PPM1H: variants seen among roughly 807,000 people sequenced by gnomAD.
PPM1H encodes protein phosphatase 1H.
Under a neutral mutation model 54.9 loss-of-function variants are expected in PPM1H, and 27 were observed. That is an observed-to-expected ratio of 0.49 (90% confidence interval 0.36 to 0.68). The LOEUF (loss-of-function observed/expected upper bound fraction) is 0.68, where lower values mean the gene tolerates loss of function less well. Among genes scored for constraint, PPM1H ranks in the 30% least tolerant of loss-of-function variants. The probability of loss-of-function intolerance (pLI) is 0.00; values close to 1 mark genes in which losing one functional copy is unlikely to be tolerated. For synonymous variants in PPM1H, 305 were observed against 270.8 expected (o/e 1.13, Z -1.24); for missense variants, 596 against 667.8 (o/e 0.89, Z 1.19).
chr12:62,744,787 C>A (rs1244874602), intron 4 of PPM1H, among the ~76,000 whole-genome samples: 2 of 152,188 alleles, frequency 1.3e-5, no homozygotes, highest in Admixed American at 6.5e-5. Flanking sequence ...CAGCCCAGGA[C>A]TCATACCCCA....
Position 62,737,578 on chromosome 12 carries a change from AT to A in PPM1H, c.877del (p.Ile293SerfsTer63). ...VANAGDSRAI[I>X]IRNGEIIPMS... ...GGGGATAATTTCTCCATTTCTGATG[AT>A]TATGGCCCTGAAATGGTGAAAATGC... On this transcript the variant is annotated frameshift_variant, in exon 5 of 10. Transcript: ENST00000228705. LOFTEE classifies it high-confidence loss of function. 1 of 1,573,838 alleles carries A rather than the reference AT, an allele frequency of 6.4e-7. No individual in the cohort carries two copies. The highest frequency in any genetic ancestry group is 8.6e-7 in the Non-Finnish European group (1 of 1,157,330).
rs776942199 is a variant in PPM1H at position 62,801,979 on chromosome 12, T to C, written c.593A>G (p.Asn198Ser). The C allele has an allele frequency of 6.2e-7, 1 of 1,613,012 alleles. No individual in the cohort carries two copies. Among genetic ancestry groups the C allele is most frequent in the South Asian group, 1.1e-5 (1 of 90,996 alleles). Residue 198 changes from asparagine to serine, a missense_variant, in exon 3 of 10, where the codon AAC becomes AGC. This residue lies in a region of PPM1H where 382 missense variants were observed against 387.1 expected (regional missense o/e 0.99). Coordinates refer to ENST00000228705, the MANE Select transcript of PPM1H (RefSeq NM_020700.2). ...PPTCLGEEPE[N>S]TPANSRTLTR... ...CAGAGTCCGGCTGTTGGCGGGCGTG[T>C]TCTCAGGCTCCTCCCCCAGGCAGGT...
At chr12:62,782,261 C>T (rs566732080) in intron 4 of PPM1H, among the ~76,000 whole-genome samples, 133 of 152,304 alleles carry the variant, frequency 8.7e-4, no homozygotes, top group African/African-American at 3.1e-3. Context: ...TAGTTCTTTG[C>T]ATTCCCTTGG....
chr12:62,881,469 G>T (rs1004369958), intron 1 of PPM1H, among the ~76,000 whole-genome samples: 2 of 152,082 alleles, frequency 1.3e-5, no homozygotes, highest in South Asian at 4.2e-4. Flanking sequence ...AAAAGAAAGA[G>T]AAAGAATGTT....
At chr12:62,738,538 A>G (rs887251071) in intron 4 of PPM1H, among the ~76,000 whole-genome samples, 1 of 152,182 alleles carries the variant, frequency 6.6e-6, no homozygotes, top group Non-Finnish European at 1.5e-5. Context: ...TCCTGGGTCT[A>G]TTCCCAGCGG....
chr12:62,669,474 G>C (rs536464496), intron 8 of PPM1H, among the ~76,000 whole-genome samples: 1 of 152,126 alleles, frequency 6.6e-6, no homozygotes, highest in Non-Finnish European at 1.5e-5. Flanking sequence ...TTCACAGACC[G>C]GGCCCCGAGT....
At chr12:62,663,308 G>A (rs994227632) in intron 9 of PPM1H, among the ~76,000 whole-genome samples, 2 of 151,642 alleles carry the variant, frequency 1.3e-5, no homozygotes, top group Non-Finnish European at 2.9e-5. Flanking sequence ...ATTTCAGGTG[G>A]GGCCTGAAAA....
At chr12:62,931,254 C>G (rs1409847762) in intron 1 of PPM1H, among the ~76,000 whole-genome samples, 1 of 152,128 alleles carries the variant, frequency 6.6e-6, no homozygotes, top group Non-Finnish European at 1.5e-5. Flanking sequence ...GGCATTAGCT[C>G]CTTAGTACAG....
At chr12:62,803,020 T>G (rs1213363241) in intron 2 of PPM1H, among the ~76,000 whole-genome samples, 5 of 152,230 alleles carry the variant, frequency 3.3e-5, no homozygotes, top group African/African-American at 1.2e-4. Context: ...AGCCCTTAAA[T>G]GCTGGGATAA....
intron 4 of PPM1H, among the ~76,000 whole-genome samples, chr12:62,744,710 G>C (rs1269874643): frequency 6.6e-6 from 1 of 152,152 alleles, no homozygotes; most frequent in Non-Finnish European, 1.5e-5. Context: ...AGGCCTCACG[G>C]GGGAAGCTGC....
chr12:62,650,057 T>C (rs144468132), intron 9 of PPM1H, among the ~76,000 whole-genome samples: 154 of 152,334 alleles, frequency 1.0e-3, no homozygotes, highest in African/African-American at 3.6e-3. Context: ...CTGTGAGTTA[T>C]GGAATTCAGA....
In PPM1H at chr12:62,851,130, A is replaced by C. The variant is rs1422572663; in HGVS notation, c.246-18851T>G. ...CTAAACACCCAGACTTTGGTTTCCA[A>C]ATACTACTCCCCACTGAAAGAAACC... On this transcript the variant is annotated intron_variant, in intron 1 of 9. Coordinates refer to ENST00000228705, the MANE Select transcript of PPM1H (RefSeq NM_020700.2). Among the ~76,000 whole-genome samples the C allele has an allele frequency of 9.8e-5, 15 of 152,296 alleles. No homozygotes were observed. The East Asian group carries it at 1.7e-3, about 18-fold the overall frequency.
chr12:62,672,923 CAG>C (rs2075964600), intron 8 of PPM1H, among the ~76,000 whole-genome samples: 1 of 152,142 alleles, frequency 6.6e-6, no homozygotes, highest in African/African-American at 2.4e-5. Flanking sequence ...AAAGCATAAA[CAG>C]GGGAAGGAGA....
At position 62,648,338 on chromosome 12, in the gene PPM1H, T is replaced by C; in HGVS notation, c.*151A>G. ...AAGAAATGGAAACCAAAGGGTCATCTTGAAGCATAGTCTTTTGGCCATGAA... is the reference window on the plus strand; with the variant it reads ...AAGAAATGGAAACCAAAGGGTCATCCTGAAGCATAGTCTTTTGGCCATGAA... On this transcript the variant is annotated 3_prime_UTR_variant, in exon 10 of 10. Coordinates refer to ENST00000228705, the MANE Select transcript of PPM1H (RefSeq NM_020700.2). 1 of 951,158 alleles carries C rather than the reference T, an allele frequency of 1.1e-6. No homozygotes were observed. Among genetic ancestry groups the C allele is most frequent in the Non-Finnish European group, 1.5e-6 (1 of 646,072 alleles). The allele number at this position is 951,158 out of a possible 1,614,324, so 58.9% of individuals were successfully genotyped here.
intron 1 of PPM1H, among the ~76,000 whole-genome samples, chr12:62,894,365 C>T (rs972375288): frequency 1.3e-5 from 2 of 152,048 alleles, no homozygotes; most frequent in African/African-American, 4.8e-5. Flanking sequence ...GTAGCCAAGA[C>T]CCAAAAAGGT....
intron 2 of PPM1H, among the ~76,000 whole-genome samples, chr12:62,831,762 TATATATATACACAC>T (rs1868362832): frequency 6.6e-6 from 1 of 150,420 alleles, no homozygotes; most frequent in Non-Finnish European, 1.5e-5. Flanking sequence ...TATTCGTGTA[TATATATATACACAC>T]ATATATATAC....
At chr12:62,761,336 A>T (rs73314539) in intron 4 of PPM1H, among the ~76,000 whole-genome samples, 1,680 of 152,330 alleles carry the variant, frequency 0.011, 34 homozygotes, top group African/African-American at 0.038. Context: ...ACCTGTATGC[A>T]GAGTGTAATT....
intron 1 of PPM1H, among the ~76,000 whole-genome samples, chr12:62,874,899 C>A (rs1034296327): frequency 6.6e-6 from 1 of 152,186 alleles, no homozygotes; most frequent in Admixed American, 6.5e-5. Flanking sequence ...AACACTCACC[C>A]TTGGGTTTCT....
intron 1 of PPM1H, among the ~76,000 whole-genome samples, chr12:62,910,706 A>G (rs1472719682): frequency 1.3e-5 from 2 of 152,182 alleles, no homozygotes; most frequent in East Asian, 1.9e-4. Flanking sequence ...ATATCTCTTG[A>G]TAAGAAAAAC....
Sources: gnomAD v4.1 joint callset for allele counts (sites outside exome capture counted in the v4.1 genomes callset) on GRCh38, gnomAD v4.1.1 for gene constraint, gnomAD v4.1.1 regional missense constraint, MANE v1.5 for transcripts, NCBI Gene and HGNC (gene_info 2026-07-23, HGNC 2026-07-21) for gene names.